APP: variants seen among roughly 807,000 people sequenced by gnomAD.
APP encodes the protein amyloid-beta precursor protein.
APP carries 31 observed loss-of-function variants against 101.4 expected under a neutral mutation model. The ratio of observed to expected loss-of-function variants is 0.31; its 90% CI spans 0.23 to 0.41. The LOEUF (loss-of-function observed/expected upper bound fraction) is 0.41. APP is among the 10% of genes least tolerant of loss of function. The pLI is 1.00. For missense variants in APP, 839 were observed against 1,003.7 expected, an observed-to-expected ratio of 0.84 and a Z score of 2.22; for synonymous variants, 366 against 364.4, an observed-to-expected ratio of 1.00 and a Z score of -0.05.
At chr21:26,139,310 C>T (rs1372393448) in intron 1 of APP, among the ~76,000 whole-genome samples, 2 of 152,144 alleles carry the variant, frequency 1.3e-5, no homozygotes, top group African/African-American at 4.8e-5. Context: ...AATATAAGCT[C>T]ATTATCAAAT....
intron 5 of APP, among the ~76,000 whole-genome samples, chr21:26,048,818 C>T (rs1193499757): frequency 4.0e-5 from 6 of 151,890 alleles, no homozygotes; most frequent in Admixed American, 1.3e-4. Flanking sequence ...TAGATTTTGA[C>T]GGGTCATAAG....
At chr21:26,124,268 A>G (rs2146250379) in intron 1 of APP, among the ~76,000 whole-genome samples, 1 of 152,322 alleles carries the variant, frequency 6.6e-6, no homozygotes, top group East Asian at 1.9e-4. Flanking sequence ...TAATTTCCTA[A>G]CAGAGAAAAG....
chr21:25,904,913 C>G (rs2038708770), intron 15 of APP, 111 bp downstream of exon 15: 3 of 939,100 alleles, frequency 3.2e-6, no homozygotes, highest in Non-Finnish European at 5.1e-6. Context: ...ACTTCAAATT[C>G]TACTCTGCAG....
At chr21:26,037,548 T>A (rs1327970223) in intron 5 of APP, among the ~76,000 whole-genome samples, 1 of 152,202 alleles carries the variant, frequency 6.6e-6, no homozygotes, top group African/African-American at 2.4e-5. Flanking sequence ...TTGCTAGGTG[T>A]GTTTCAACAC....
chr21:25,976,883 G>A (rs1000759270), intron 9 of APP, among the ~76,000 whole-genome samples: 8 of 152,162 alleles, frequency 5.3e-5, no homozygotes, highest in Admixed American at 2.6e-4. Context: ...TTGTTATTGT[G>A]AGAAGTGGGT....
chr21:26,086,422 C>T (rs1045502139), intron 3 of APP, among the ~76,000 whole-genome samples: 4 of 152,160 alleles, frequency 2.6e-5, no homozygotes, highest in East Asian at 1.9e-4. Flanking sequence ...TAATCCAGTG[C>T]CACACTGGAT....
intron 1 of APP, among the ~76,000 whole-genome samples, chr21:26,155,831 C>A (rs1369792913): frequency 6.6e-6 from 1 of 151,498 alleles, no homozygotes; most frequent in African/African-American, 2.4e-5. Flanking sequence ...CTGTCTCTAC[C>A]AAAAATACAA....
chr21:26,155,762 G>A (rs1045948668), intron 1 of APP, among the ~76,000 whole-genome samples: 1 of 152,164 alleles, frequency 6.6e-6, no homozygotes, highest in Non-Finnish European at 1.5e-5. Context: ...TTGGGAGGCC[G>A]AGACGGGTGG....
intron 11 of APP, among the ~76,000 whole-genome samples, chr21:25,961,450 A>AGG (rs2041574641): frequency 6.6e-6 from 1 of 152,178 alleles, no homozygotes; most frequent in Non-Finnish European, 1.5e-5. Flanking sequence ...CATAGATAAC[A>AGG]GTTCCCTATA....
At chr21:25,886,300 C>G (rs1569005153) in intron 17 of APP, among the ~76,000 whole-genome samples, 1 of 152,074 alleles carries the variant, frequency 6.6e-6, no homozygotes, top group African/African-American at 2.4e-5. Flanking sequence ...TGCCATCTCT[C>G]TATAGTTATA....
intron 1 of APP, among the ~76,000 whole-genome samples, chr21:26,142,002 C>T (rs1024561537): frequency 2.6e-5 from 4 of 152,100 alleles, no homozygotes; most frequent in African/African-American, 9.7e-5. Flanking sequence ...ATGTGTGGTG[C>T]CTAGCCACAC....
At chr21:26,103,703 T>C (rs1393036279) in intron 2 of APP, among the ~76,000 whole-genome samples, 1 of 152,222 alleles carries the variant, frequency 6.6e-6, no homozygotes, top group Non-Finnish European at 1.5e-5. Context: ...CAGCATAAGC[T>C]GGATACAGAA....
At chr21:26,136,487 A>G (rs1467610522) in intron 1 of APP, among the ~76,000 whole-genome samples, 1 of 152,138 alleles carries the variant, frequency 6.6e-6, no homozygotes, top group Non-Finnish European at 1.5e-5. Flanking sequence ...TTTGCTCCCT[A>G]AGGAAAACTG....
intron 13 of APP, among the ~76,000 whole-genome samples, chr21:25,936,224 G>GAC (rs1057461329): frequency 6.6e-6 from 1 of 152,030 alleles, no homozygotes; most frequent in African/African-American, 2.4e-5. Context: ...AGGTCATGGG[G>GAC]GTGTGACTCT....
At chr21:26,005,141 T>C (rs1239216577) in intron 6 of APP, among the ~76,000 whole-genome samples, 2 of 152,114 alleles carry the variant, frequency 1.3e-5, no homozygotes, top group African/African-American at 2.4e-5. Flanking sequence ...AAGCCAGGCA[T>C]GGTGGCTCAA....
At chr21:26,164,901 GA>G (rs546262205) in intron 1 of APP, among the ~76,000 whole-genome samples, 2,924 of 136,002 alleles carry the variant, frequency 0.021, 111 homozygotes, top group African/African-American at 0.073. Context: ...TGGAAAAAAA[GA>G]AAAAAAAAAA....
intron 15 of APP, among the ~76,000 whole-genome samples, chr21:25,900,793 A>T (rs2038407019): frequency 6.7e-6 from 1 of 150,214 alleles, no homozygotes; most frequent in African/African-American, 2.5e-5. Context: ...CGAGGTCAAG[A>T]GATCAAGACC....
chr21:26,003,519 A>C (rs569330752), intron 6 of APP, among the ~76,000 whole-genome samples: 8 of 152,228 alleles, frequency 5.3e-5, no homozygotes, highest in Non-Finnish European at 1.2e-4. Flanking sequence ...AGGCTACCTG[A>C]GATAATGCGG....
intron 6 of APP, among the ~76,000 whole-genome samples, chr21:26,004,163 G>A (rs192580412): frequency 1.3e-5 from 2 of 152,234 alleles, no homozygotes; most frequent in Admixed American, 6.5e-5. Context: ...AAGTGAACAC[G>A]GAGAAGCAGC....
Sources: gnomAD v4.1 joint callset for allele counts (sites outside exome capture counted in the v4.1 genomes callset) on GRCh38, gnomAD v4.1.1 for gene constraint, MANE v1.5 for transcripts, NCBI Gene and HGNC (gene_info 2026-07-23, HGNC 2026-07-21) for gene names.